Variants in IKBKB observed in about 807,000 individuals in gnomAD.
The protein encoded by IKBKB is inhibitor of nuclear factor kappa-B kinase subunit beta.
IKBKB carries 42 observed loss-of-function variants against 113.6 expected under a neutral mutation model. That is an observed-to-expected ratio of 0.37 (90% CI 0.29 to 0.48). IKBKB has a LOEUF of 0.48. Among genes scored for constraint, IKBKB ranks in the 20% least tolerant of loss-of-function variants. The pLI is 0.99. For synonymous variants in IKBKB, 296 were observed against 361.3 expected, an observed-to-expected ratio of 0.82 and a Z score of 2.05; for missense variants, 673 against 939.7, an observed-to-expected ratio of 0.72 and a Z score of 3.71.
intron 5 of IKBKB, among the ~76,000 whole-genome samples, chr8:42,297,119 C>T (rs1814029972): frequency 6.6e-6 from 1 of 152,234 alleles, no homozygotes. Flanking sequence ...GACCTGTTCA[C>T]ATCTCCGCCA....
At chr8:42,274,784 G>GCCA (rs1563290444) in intron 2 of IKBKB, among the ~76,000 whole-genome samples, 3 of 41,720 alleles carry the variant, frequency 7.2e-5, no homozygotes, top group Non-Finnish European at 9.5e-5. Context: ...CCCCGCCGGC[G>GCCA]CGCCCCCCCC....
chr8:42,271,671 G>T, intron 1 of IKBKB: 1 of 534,902 alleles, frequency 1.9e-6, no homozygotes, highest in South Asian at 2.4e-5. Context: ...GGGTGGCTTT[G>T]AGGGGAACCT....
At chr8:42,304,982 CAA>C (rs1816206874) in intron 5 of IKBKB, among the ~76,000 whole-genome samples, 2 of 152,198 alleles carry the variant, frequency 1.3e-5, no homozygotes, top group Admixed American at 1.3e-4. Context: ...GGATGCAAGG[CAA>C]AGAGTGCTTT....
intron 19 of IKBKB, chr8:42,325,416 A>G: frequency 1.0e-6 from 1 of 985,766 alleles, no homozygotes; most frequent in Non-Finnish European, 1.2e-6. Flanking sequence ...GGCTGGATGC[A>G]GTGGATCATG....
intron 4 of IKBKB, among the ~76,000 whole-genome samples, chr8:42,292,532 C>T (rs992633087): frequency 6.6e-6 from 1 of 152,138 alleles, no homozygotes; most frequent in Admixed American, 6.5e-5. Context: ...ATAATACACC[C>T]GTGGGCATGG....
At chr8:42,308,859 C>A (rs1286139060) in intron 7 of IKBKB, 42 bp from the exon 8 acceptor site, 1 of 1,606,644 alleles carries the variant, frequency 6.2e-7, no homozygotes, top group Admixed American at 1.7e-5. Flanking sequence ...GTGGTCCCCC[C>A]AGAGAGGAGC....
intron 2 of IKBKB, among the ~76,000 whole-genome samples, chr8:42,277,919 A>C (rs1012039935): frequency 9.2e-5 from 14 of 152,192 alleles, no homozygotes; most frequent in Admixed American, 6.5e-4. Flanking sequence ...GTCCACAAAT[A>C]TTTATCGAAT....
At chr8:42,305,770 C>T (rs998159155) in intron 6 of IKBKB, among the ~76,000 whole-genome samples, 5 of 152,192 alleles carry the variant, frequency 3.3e-5, no homozygotes, top group African/African-American at 1.2e-4. Flanking sequence ...GTGTTGACTG[C>T]CCCACAAGCT....
Position 42,278,996 on chromosome 8 carries a change from G to GA in IKBKB, c.105+6802dup, listed in dbSNP as rs982206833. ...GCAACAAGAGCGAAACTCTGTCTGA[G>GA]AAAAAAAAAAAGAGAGAGAGAGATT... On this transcript the variant is annotated intron_variant, in intron 2 of 21. Transcript: ENST00000520810. Among the ~76,000 whole-genome samples, 234 of 146,014 alleles carry GA rather than the reference G, an allele frequency of 1.6e-3. 1 individual carries two copies. The highest frequency in any genetic ancestry group is 3.8e-3 in the Admixed American group (56 of 14,680).
At chr8:42,298,057 C>G in intron 5 of IKBKB, 1 of 983,760 alleles carries the variant, frequency 1.0e-6, no homozygotes, top group Non-Finnish European at 1.2e-6. Flanking sequence ...CGTAATGTGA[C>G]CCTAAAATAG....
chr8:42,318,583 C>G lies in IKBKB; in HGVS notation c.1272C>G (p.Phe424Leu), dbSNP rs748923048. Reference sequence around the variant, plus strand: ...AGCCCAAGAGGAATCTCGCCTTCTTCCAGCTGAGGAAGGTGTGGGGCCAGG... The same window carrying G: ...AGCCCAAGAGGAATCTCGCCTTCTTGCAGCTGAGGAAGGTGTGGGGCCAGG... ...LQEPKRNLAF[F>L]QLRKVWGQVW... Residue 424 changes from phenylalanine to leucine, a missense_variant, in exon 13 of 22, where the codon TTC becomes TTG. By Grantham distance (22) the Phe-to-Leu change is conservative (BLOSUM62 0). Coordinates refer to ENST00000520810, the MANE Select transcript of IKBKB (RefSeq NM_001556.3). The G allele has an allele frequency of 6.2e-7, 1 of 1,614,022 alleles. No individual in the cohort carries two copies. Among genetic ancestry groups the G allele is most frequent in the Non-Finnish European group, 8.5e-7 (1 of 1,179,874 alleles).
rs1249118411 is a variant in IKBKB at position 42,305,262 on chromosome 8, AAGG to A, written c.467_469del (p.Gly156del). 2 of 1,612,092 alleles carry A rather than the reference AAGG, an allele frequency of 1.2e-6. No homozygotes were observed. Among genetic ancestry groups the A allele is most frequent in the Middle Eastern group, 1.6e-4 (1 of 6,084 alleles). ...AAGCCAGAAAACATCGTCCTGCAGC[AAGG>A]AGAACAGAGGGTAAGTGACCTCCTG... On this transcript the variant is annotated inframe_deletion, in exon 6 of 22. Transcript: ENST00000520810.
At position 42,332,348 on chromosome 8, in the gene IKBKB, A is replaced by C. The variant is rs200387711; in HGVS notation, c.*1369A>C. The C allele has an allele frequency of 5.3e-5, 8 of 152,264 alleles. No individual in the cohort carries two copies. Among genetic ancestry groups the C allele is most frequent in the Non-Finnish European group, 1.2e-4 (8 of 68,052 alleles). 9.4% of individuals were successfully genotyped at this position (152,264 alleles called of 1,614,324 possible). ...ACTTTGTGTAAGAACACTGTTTATCAATGTCATTTGGCTATAGAAACATTT... is the reference window on the plus strand; with the variant it reads ...ACTTTGTGTAAGAACACTGTTTATCCATGTCATTTGGCTATAGAAACATTT... On this transcript the variant is annotated 3_prime_UTR_variant, in exon 22 of 22. Coordinates refer to ENST00000520810, the MANE Select transcript of IKBKB (RefSeq NM_001556.3).
At chr8:42,325,208 AC>A in intron 19 of IKBKB, 1 of 984,866 alleles carries the variant, frequency 1.0e-6, no homozygotes, top group Non-Finnish European at 1.2e-6. Context: ...TGGAATGGGA[AC>A]CCCTGCTTGA....
At chr8:42,281,824 C>T (rs1585550381) in intron 2 of IKBKB, among the ~76,000 whole-genome samples, 1 of 152,148 alleles carries the variant, frequency 6.6e-6, no homozygotes, top group Non-Finnish European at 1.5e-5. Context: ...TGGATGCTTG[C>T]CATGATAACG....
chr8:42,329,985 T>C (rs1251341433), intron 21 of IKBKB: 2 of 985,320 alleles, frequency 2.0e-6, no homozygotes, highest in Non-Finnish European at 2.4e-6. Flanking sequence ...CATGTCCTCC[T>C]CCAGTCTGTG....
chr8:42,330,452 C>G (rs1821557131), intron 21 of IKBKB: 1 of 277,348 alleles, frequency 3.6e-6, no homozygotes, highest in African/African-American at 2.3e-5. Flanking sequence ...TCCCAAAGTG[C>G]TGGAACTATA....
rs1585798700 is a variant in IKBKB, at chr8:42,322,400, A to G, written c.1892A>G (p.Glu631Gly). ...KALELLPKVE[E>G]VVSLMNEDEK... is the part of the protein sequence containing the mutation. ...CTGGAACTGTTGCCCAAGGTGGAAG[A>G]GGTGGTGAGCTTAATGAATGAGGAT... Residue 631 changes from glutamate (E) to glycine (G), a missense_variant, in exon 19 of 22, where the codon GAG (glutamate) becomes GGG (glycine). Physicochemically the swap from Glu to Gly is moderately conservative, Grantham distance 98. Coordinates refer to ENST00000520810, the MANE Select transcript of IKBKB (RefSeq NM_001556.3). The G allele has an allele frequency of 1.2e-6, 2 of 1,613,800 alleles. No individual in the cohort carries two copies. The highest frequency in any genetic ancestry group is 1.7e-6 in the Non-Finnish European group (2 of 1,179,986).
intron 8 of IKBKB, 175 bp from the exon 9 acceptor site, chr8:42,314,147 G>C: frequency 1.6e-6 from 1 of 621,810 alleles, no homozygotes; most frequent in Non-Finnish European, 2.9e-6. Flanking sequence ...TGCTGTACAG[G>C]TTTGTAGCCT....
Sources: allele counts gnomAD v4.1 joint callset (sites outside exome capture counted in the v4.1 genomes callset), GRCh38; gene constraint gnomAD v4.1.1; transcripts MANE v1.5; gene names NCBI Gene and HGNC (gene_info 2026-07-23, HGNC 2026-07-21).